The following DOCK8 variants were observed in gnomAD, a reference collection of about 807,000 sequenced individuals.
DOCK8 encodes the protein dedicator of cytokinesis 8.
DOCK8 carries 141 observed loss-of-function variants against 245.6 expected under a neutral mutation model. The ratio of observed to expected loss-of-function variants is 0.57; its 90% confidence interval spans 0.50 to 0.66. DOCK8 has a LOEUF of 0.66. Among genes scored for constraint, DOCK8 ranks in the 30% least tolerant of loss-of-function variants. The probability of loss-of-function intolerance (pLI) is 0.00; values close to 1 mark genes in which losing one functional copy is unlikely to be tolerated. For synonymous variants in DOCK8, 1,168 were observed against 970.2 expected, an observed-to-expected ratio of 1.20 and a Z score of -3.79; for missense variants, 2,965 against 2,603.4, an observed-to-expected ratio of 1.14 and a Z score of -3.02.
At chr9:242,192 T>G (rs951519163) in intron 1 of DOCK8, among the ~76,000 whole-genome samples, 1 of 152,188 alleles carries the variant, frequency 6.6e-6, no homozygotes, top group African/African-American at 2.4e-5. Context: ...CTAACTTCAC[T>G]TTGTCCTTGT....
chr9:273,493 T>G (rs2048223370), intron 2 of DOCK8, among the ~76,000 whole-genome samples: 1 of 152,212 alleles, frequency 6.6e-6, no homozygotes, highest in Non-Finnish European at 1.5e-5. Flanking sequence ...AAAATTTAGT[T>G]TAAAATAGAT....
chr9:357,892 A>T lies in DOCK8; in HGVS notation c.1680-10126A>T, dbSNP rs1257040696. On this transcript the variant is annotated intron_variant, in intron 14 of 47. Transcript: ENST00000432829. ...TGTTCTCTTCAACCTACACATCAGG[A>T]GTTTTCCTTCTGTTTTCCTTTTTCA... 2.6e-5 allele frequency among the ~76,000 whole-genome samples: 4 copies of T among 152,320 alleles called. No homozygotes were observed. The South Asian group carries it at 6.2e-4, about 24-fold the overall frequency.
chr9:384,292 G>A (rs757732661), intron 22 of DOCK8, among the ~76,000 whole-genome samples: 17 of 152,122 alleles, frequency 1.1e-4, no homozygotes, highest in Non-Finnish European at 2.1e-4. Flanking sequence ...AAGCTACCAC[G>A]ATGAATTCTT....
intron 46 of DOCK8, among the ~76,000 whole-genome samples, chr9:454,139 C>G (rs1406500970): frequency 6.6e-6 from 1 of 152,192 alleles, no homozygotes; most frequent in African/African-American, 2.4e-5. Context: ...AAAAACACCA[C>G]TTAAATCTTG....
chr9:307,275 A>T (rs1300180376), intron 5 of DOCK8, among the ~76,000 whole-genome samples: 2 of 150,228 alleles, frequency 1.3e-5, no homozygotes, highest in African/African-American at 4.9e-5. Flanking sequence ...CACACAAAGC[A>T]CACGCTTTCC....
At chr9:319,055 G>A (rs760451022) in intron 7 of DOCK8, among the ~76,000 whole-genome samples, 7 of 152,218 alleles carry the variant, frequency 4.6e-5, no homozygotes, top group Non-Finnish European at 7.3e-5. Context: ...CCAACACTTT[G>A]GGAGGCCAAA....
At chr9:341,750 G>T (rs2051602072) in intron 14 of DOCK8, among the ~76,000 whole-genome samples, 1 of 152,188 alleles carries the variant, frequency 6.6e-6, no homozygotes, top group South Asian at 2.1e-4. Flanking sequence ...CTGGTCCTTG[G>T]CCTGTTAGGA....
intron 14 of DOCK8, 22 bp downstream of exon 14, chr9:340,343 T>C (rs767247720): frequency 2.5e-6 from 4 of 1,613,702 alleles, no homozygotes; most frequent in South Asian, 1.1e-5. Flanking sequence ...AGGCTCGGGC[T>C]GGGCGTGGTG....
intron 4 of DOCK8, among the ~76,000 whole-genome samples, chr9:298,093 T>G (rs577226682): frequency 6.6e-6 from 1 of 152,028 alleles, no homozygotes; most frequent in South Asian, 2.1e-4. Flanking sequence ...CCAAATAAAT[T>G]TGATGGTCTC....
At chr9:403,954 A>G (rs1433876543) in intron 26 of DOCK8, among the ~76,000 whole-genome samples, 3 of 77,550 alleles carry the variant, frequency 3.9e-5, no homozygotes, top group African/African-American at 2.6e-4. Context: ...GTGTATATAT[A>G]TATATGTATA....
rs200243583 is a variant in DOCK8 at position 325,664 on chromosome 9, A to G, written c.828-7A>G. The G allele has an allele frequency of 1.8e-4, 288 of 1,613,160 alleles. 1 individual carries two copies. The highest frequency in any genetic ancestry group is 3.7e-4 in the African/African-American group (28 of 75,018). On this transcript the variant is annotated splice_polypyrimidine_tract_variant and splice_region_variant and intron_variant, in intron 7 of 47. Transcript: ENST00000432829. ...GCCACATAGATTTTCCTCTCTTTCT[A>G]TGGTAGGTTCGAGATTGAAATTGAG...
intron 26 of DOCK8, among the ~76,000 whole-genome samples, chr9:400,075 A>ACCACCACC (rs2054727664): frequency 3.4e-5 from 3 of 89,316 alleles, no homozygotes; most frequent in Non-Finnish European, 4.1e-5. Flanking sequence ...CACCATCACC[A>ACCACCACC]TCACCACCAC....
Position 215,004 on chromosome 9 carries a change from C to A in DOCK8, c.28C>A (p.Arg10Ser). Residue 10 changes from arginine to serine, a missense_variant, in exon 1 of 48, where the codon CGC (arginine) becomes AGC (serine). Physicochemically the swap from Arg to Ser is moderately radical, Grantham distance 110. Around this residue, in one of 3 missense-constraint regions of DOCK8, gnomAD observed 2,825 missense variants for 2,453.5 expected, o/e 1.15. Coordinates refer to ENST00000432829, the MANE Select transcript of DOCK8 (RefSeq NM_203447.4). MATLPSAER[R>S]AFALKINRYS... ...GGCCACTCTGCCGAGCGCAGAGCGC[C>A]GCGCGTTCGCGCTCAAGATCAACAG... 1 of 1,593,658 alleles carries A rather than the reference C, an allele frequency of 6.3e-7. No individual in the cohort carries two copies. Among genetic ancestry groups the A allele is most frequent in the Non-Finnish European group, 8.5e-7 (1 of 1,174,924 alleles).
intron 31 of DOCK8, 66 bp from the exon 32 acceptor site, chr9:420,883 T>C (rs769801022): frequency 6.9e-6 from 11 of 1,600,910 alleles, no homozygotes; most frequent in Non-Finnish European, 8.6e-6. Flanking sequence ...TGTACTGTTT[T>C]GGTAACTCTC....
chr9:402,881 T>G (rs76598491), intron 26 of DOCK8, among the ~76,000 whole-genome samples: 3,153 of 152,228 alleles, frequency 0.021, 120 homozygotes, highest in African/African-American at 0.073. Context: ...CTCAAATTGT[T>G]TTTGAAATGT....
intron 20 of DOCK8, 117 bp downstream of exon 20, chr9:377,328 A>G: frequency 9.5e-7 from 1 of 1,057,528 alleles, no homozygotes; most frequent in African/African-American, 1.6e-5. Context: ...TCCACTGATG[A>G]TGTGTGCTCA....
At chr9:367,485 A>T (rs2053065390) in intron 14 of DOCK8, among the ~76,000 whole-genome samples, 1 of 151,056 alleles carries the variant, frequency 6.6e-6, no homozygotes, top group Non-Finnish European at 1.5e-5. Flanking sequence ...AAATGGATGG[A>T]TATATTATTC....
intron 39 of DOCK8, among the ~76,000 whole-genome samples, chr9:436,593 T>C (rs1241920459): frequency 6.6e-6 from 1 of 152,250 alleles, no homozygotes; most frequent in Non-Finnish European, 1.5e-5. Flanking sequence ...TTGACTTTTA[T>C]ATTTAGTAAG....
intron 9 of DOCK8, among the ~76,000 whole-genome samples, chr9:330,425 C>A (rs771368143): frequency 6.6e-6 from 1 of 152,080 alleles, no homozygotes; most frequent in African/African-American, 2.4e-5. Context: ...AATTTCCCAT[C>A]TTAAAGAGTT....
Sources: gnomAD v4.1 joint callset for allele counts (sites outside exome capture counted in the v4.1 genomes callset) on GRCh38, gnomAD v4.1.1 for gene constraint, gnomAD v4.1.1 regional missense constraint, MANE v1.5 for transcripts, NCBI Gene and HGNC (gene_info 2026-07-23, HGNC 2026-07-21) for gene names.